ROR1: variants seen among roughly 807,000 people sequenced by gnomAD.
ROR1 encodes the protein ROR family WNT receptor 1.
ROR1 carries 19 observed loss-of-function variants against 78.8 expected under a neutral mutation model. The ratio of observed to expected loss-of-function variants is 0.24; its 90% confidence interval spans 0.17 to 0.35. The LOEUF is 0.35. Among genes scored for constraint, ROR1 ranks in the 10% least tolerant of loss-of-function variants. ROR1 has a pLI of 1.00. For synonymous variants in ROR1, 386 were observed against 433.6 expected, an observed-to-expected ratio of 0.89 and a Z score of 1.36; for missense variants, 917 against 1,177.8, an observed-to-expected ratio of 0.78 and a Z score of 3.24.
In ROR1 at chr1:63,875,721, G is replaced by A. The variant is rs190223476; in HGVS notation, c.91+101213G>A. Among the ~76,000 whole-genome samples the A allele has an allele frequency of 3.3e-5, 5 of 152,296 alleles. No homozygotes were observed. The Middle Eastern group carries it at 0.01, about 313-fold the overall frequency. ...TGGTGTATTGATTGGTTGTTCTGAA[G>A]AATGTATTCTGCTTGCCACCATGAA... On this transcript the variant is annotated intron_variant, in intron 1 of 8. Transcript: ENST00000371079.
intron 4 of ROR1, among the ~76,000 whole-genome samples, chr1:64,122,872 T>G (rs984153274): frequency 6.6e-6 from 1 of 152,198 alleles, no homozygotes. Context: ...CCTGATGACA[T>G]CTGGTGTCCA....
chr1:63,776,151 C>A (rs533723976), intron 1 of ROR1, among the ~76,000 whole-genome samples: 5 of 152,352 alleles, frequency 3.3e-5, no homozygotes, highest in African/African-American at 9.6e-5. Flanking sequence ...GTTATTTCCC[C>A]TGTGGACTCC....
chr1:63,932,363 G>GA (rs934016003), intron 1 of ROR1, among the ~76,000 whole-genome samples: 1 of 152,094 alleles, frequency 6.6e-6, no homozygotes, highest in African/African-American at 2.4e-5. Context: ...TGCTTGGGTG[G>GA]AAAATGAGGA....
intron 2 of ROR1, among the ~76,000 whole-genome samples, chr1:64,049,264 T>G (rs1392369439): frequency 6.6e-6 from 1 of 152,220 alleles, no homozygotes; most frequent in Non-Finnish European, 1.5e-5. Flanking sequence ...TTTGATGCTT[T>G]CTTTCTTATC....
At chr1:63,943,410 C>T (rs1363672725) in intron 1 of ROR1, among the ~76,000 whole-genome samples, 2 of 152,276 alleles carry the variant, frequency 1.3e-5, no homozygotes, top group Non-Finnish European at 1.5e-5. Context: ...TTGGTCTCAG[C>T]TTGGATACAG....
intron 1 of ROR1, among the ~76,000 whole-genome samples, chr1:63,948,178 T>C (rs1645905370): frequency 6.6e-6 from 1 of 152,168 alleles, no homozygotes; most frequent in African/African-American, 2.4e-5. Flanking sequence ...TCCCCTGAGA[T>C]AATAAAACAA....
chr1:64,037,493 G>C lies in ROR1; in HGVS notation c.164-12198G>C, dbSNP rs116183303. Among the ~76,000 whole-genome samples the C allele has an allele frequency of 6.0e-3, 921 of 152,242 alleles. 7 individuals are homozygous for C. Among genetic ancestry groups the C allele is most frequent in the African/African-American group, 0.021 (874 of 41,558 alleles). ...CTAGGAGTTAGCATGGGCAGGCAAG[G>C]TGGATCAGGGCCTTGTTTTATCATG... On this transcript the variant is annotated intron_variant, in intron 2 of 8. Transcript: ENST00000371079.
intron 1 of ROR1, among the ~76,000 whole-genome samples, chr1:63,900,469 A>AG (rs1183376474): frequency 6.6e-6 from 1 of 151,388 alleles, no homozygotes; most frequent in African/African-American, 2.4e-5. Flanking sequence ...AAAAAAAAAA[A>AG]AGGAAAAGTT....
chr1:64,147,470 A>G (rs1649506042), intron 7 of ROR1, among the ~76,000 whole-genome samples: 1 of 152,160 alleles, frequency 6.6e-6, no homozygotes, highest in African/African-American at 2.4e-5. Context: ...GCCTTGACAT[A>G]TGATCAATAA....
chr1:63,919,270 T>G (rs187839955), intron 1 of ROR1, among the ~76,000 whole-genome samples: 132 of 152,326 alleles, frequency 8.7e-4, no homozygotes, highest in African/African-American at 3.1e-3. Flanking sequence ...TTAGGCATTA[T>G]GATTAAGGAC....
chr1:64,103,196 TTTTG>T (rs1647637745), intron 4 of ROR1, among the ~76,000 whole-genome samples: 2 of 152,202 alleles, frequency 1.3e-5, no homozygotes, highest in Non-Finnish European at 2.9e-5. Context: ...GTGGGCTCTT[TTTTG>T]GTTCCATATG....
intron 1 of ROR1, among the ~76,000 whole-genome samples, chr1:63,945,536 T>C (rs1231346428): frequency 1.3e-5 from 2 of 152,142 alleles, no homozygotes; most frequent in Non-Finnish European, 2.9e-5. Flanking sequence ...CACCCATTGT[T>C]TAATGTTGTT....
intron 1 of ROR1, among the ~76,000 whole-genome samples, chr1:63,818,006 G>A (rs1644902566): frequency 6.6e-6 from 1 of 152,140 alleles, no homozygotes. Flanking sequence ...TATCAGTGAG[G>A]CACTTTACAT....
intron 1 of ROR1, among the ~76,000 whole-genome samples, chr1:63,885,129 A>G (rs1428688396): frequency 1.3e-5 from 2 of 152,200 alleles, no homozygotes; most frequent in African/African-American, 4.8e-5. Context: ...AAAAAACATA[A>G]TAGCTATCAT....
chr1:64,024,849 C>A (rs1646595627), intron 2 of ROR1, among the ~76,000 whole-genome samples: 1 of 152,070 alleles, frequency 6.6e-6, no homozygotes, highest in Non-Finnish European at 1.5e-5. Context: ...AATTCCATTT[C>A]TTTGATAACT....
intron 1 of ROR1, among the ~76,000 whole-genome samples, chr1:63,983,655 A>G (rs992902025): frequency 6.6e-6 from 1 of 152,156 alleles, no homozygotes; most frequent in African/African-American, 2.4e-5. Context: ...TTGATTTAGG[A>G]TGACATCACA....
intron 4 of ROR1, among the ~76,000 whole-genome samples, chr1:64,126,858 A>C (rs1264468331): frequency 6.6e-6 from 1 of 152,184 alleles, no homozygotes; most frequent in Non-Finnish European, 1.5e-5. Context: ...GAATCCAGCC[A>C]GGCTGCCTGG....
At chr1:64,156,424 T>C (rs567086666) in intron 7 of ROR1, among the ~76,000 whole-genome samples, 2 of 152,254 alleles carry the variant, frequency 1.3e-5, no homozygotes, top group Non-Finnish European at 2.9e-5. Context: ...TATTTACCTG[T>C]AACAGTGTAT....
intron 5 of ROR1, among the ~76,000 whole-genome samples, chr1:64,139,633 G>T (rs1418778050): frequency 1.3e-5 from 2 of 152,160 alleles, no homozygotes; most frequent in Non-Finnish European, 2.9e-5. Context: ...CAGCCACAAA[G>T]AAATTAAGCA....
Sources: allele counts gnomAD v4.1 joint callset (sites outside exome capture counted in the v4.1 genomes callset), GRCh38; gene constraint gnomAD v4.1.1; transcripts MANE v1.5; gene names NCBI Gene and HGNC (gene_info 2026-07-23, HGNC 2026-07-21).